KIAA1328: variants seen among roughly 807,000 people sequenced by gnomAD.
KIAA1328 encodes protein hinderin.
KIAA1328 carries 52 observed loss-of-function variants against 68.1 expected under a neutral mutation model. The observed-to-expected ratio is 0.76, with a 90% CI of 0.61 to 0.96. KIAA1328 has a LOEUF of 0.96. Among genes scored for constraint, KIAA1328 ranks in the 40% least tolerant of loss-of-function variants. KIAA1328 has a pLI of 0.00. For synonymous variants in KIAA1328, 232 were observed against 239.4 expected (o/e 0.97, Z 0.28); for missense variants, 641 against 677.6 (o/e 0.95, Z 0.60).
At chr18:37,033,768 G>A (rs1396366295) in intron 6 of KIAA1328, among the ~76,000 whole-genome samples, 11 of 152,058 alleles carry the variant, frequency 7.2e-5, no homozygotes, top group Non-Finnish European at 2.9e-5. Flanking sequence ...TCAACCTCCC[G>A]GAACTCTGCA....
intron 4 of KIAA1328, among the ~76,000 whole-genome samples, chr18:36,864,149 A>T (rs1474613486): frequency 6.6e-6 from 1 of 152,184 alleles, no homozygotes; most frequent in Non-Finnish European, 1.5e-5. Context: ...GATTTTTATT[A>T]TGATTGCATG....
chr18:37,042,537 AT>A (rs1027977440), intron 6 of KIAA1328, among the ~76,000 whole-genome samples: 3 of 151,922 alleles, frequency 2.0e-5, no homozygotes, highest in African/African-American at 7.3e-5. Flanking sequence ...TTGACAGTTT[AT>A]TTTTTTCAAA....
At chr18:37,178,746 C>T (rs1405959855) in intron 9 of KIAA1328, among the ~76,000 whole-genome samples, 1 of 152,096 alleles carries the variant, frequency 6.6e-6, no homozygotes, top group Non-Finnish European at 1.5e-5. Flanking sequence ...CAACACTTGT[C>T]TTGTCCGTTT....
At chr18:37,208,395 GAGA>G (rs1412485030) in intron 9 of KIAA1328, among the ~76,000 whole-genome samples, 2 of 152,210 alleles carry the variant, frequency 1.3e-5, no homozygotes, top group Non-Finnish European at 2.9e-5. Flanking sequence ...TTTGAATTGA[GAGA>G]AGGTCAAAAA....
At chr18:37,098,607 T>G (rs2057492414) in intron 7 of KIAA1328, among the ~76,000 whole-genome samples, 6 of 152,202 alleles carry the variant, frequency 3.9e-5, no homozygotes, top group Admixed American at 3.9e-4. Flanking sequence ...TTAGGTAGGA[T>G]TCCCTATTTT....
intron 6 of KIAA1328, among the ~76,000 whole-genome samples, chr18:36,977,920 AT>A (rs2052535260): frequency 6.6e-6 from 1 of 151,978 alleles, no homozygotes; most frequent in South Asian, 2.1e-4. Flanking sequence ...AGTAGCTGGA[AT>A]TACAGGTGTG....
chr18:37,083,673 G>T (rs1206017792), intron 7 of KIAA1328, among the ~76,000 whole-genome samples: 3 of 152,142 alleles, frequency 2.0e-5, no homozygotes, highest in Non-Finnish European at 4.4e-5. Context: ...TGGTTAGTGA[G>T]CTGTACCCCT....
intron 7 of KIAA1328, among the ~76,000 whole-genome samples, chr18:37,102,792 C>T (rs2057661330): frequency 6.6e-6 from 1 of 152,010 alleles, no homozygotes; most frequent in South Asian, 2.1e-4. Context: ...TCAAATATTC[C>T]CTCTTGGTAG....
intron 7 of KIAA1328, among the ~76,000 whole-genome samples, chr18:37,100,563 C>G (rs892630881): frequency 6.6e-6 from 1 of 152,208 alleles, no homozygotes; most frequent in Non-Finnish European, 1.5e-5. Flanking sequence ...TCAAGAAGAC[C>G]CTCTTGCCTC....
chr18:36,999,631 C>T (rs78254523), intron 6 of KIAA1328, among the ~76,000 whole-genome samples: 3,700 of 152,168 alleles, frequency 0.024, 61 homozygotes, highest in Non-Finnish European at 0.036. Flanking sequence ...AGGGCTCAAA[C>T]AAAACAAAAT....
intron 6 of KIAA1328, among the ~76,000 whole-genome samples, chr18:36,989,201 A>G (rs1421188781): frequency 6.6e-6 from 1 of 152,194 alleles, no homozygotes; most frequent in Non-Finnish European, 1.5e-5. Context: ...GTCTTGGGGC[A>G]ATCTATTCAC....
chr18:37,130,477 G>T (rs2058496033), intron 7 of KIAA1328, among the ~76,000 whole-genome samples: 1 of 152,078 alleles, frequency 6.6e-6, no homozygotes. Flanking sequence ...AATTAGCTGG[G>T]CATGGTGGTG....
chr18:36,932,258 T>C (rs2050338175), intron 5 of KIAA1328, among the ~76,000 whole-genome samples: 2 of 152,194 alleles, frequency 1.3e-5, no homozygotes, highest in African/African-American at 2.4e-5. Context: ...GGTCTCACTC[T>C]GTCACCCAGG....
At chr18:37,114,325 C>T (rs2058037875) in intron 7 of KIAA1328, among the ~76,000 whole-genome samples, 1 of 152,180 alleles carries the variant, frequency 6.6e-6, no homozygotes, top group African/African-American at 2.4e-5. Flanking sequence ...GACCACAGTG[C>T]AATCAAACTA....
intron 6 of KIAA1328, among the ~76,000 whole-genome samples, chr18:37,030,452 C>T (rs774621199): frequency 9.9e-5 from 15 of 152,030 alleles, no homozygotes; most frequent in Non-Finnish European, 1.6e-4. Context: ...AGTTATTGCC[C>T]AATCTCTGAC....
intron 7 of KIAA1328, among the ~76,000 whole-genome samples, chr18:37,107,165 T>G (rs1019758686): frequency 5.9e-5 from 9 of 152,108 alleles, no homozygotes; most frequent in African/African-American, 2.2e-4. Context: ...TGGCTTGAGC[T>G]CAGGCAGAGG....
chr18:37,156,426 CAAAAAAAAAAAAA>C (rs769062667), intron 7 of KIAA1328, among the ~76,000 whole-genome samples: 12 of 36,120 alleles, frequency 3.3e-4, no homozygotes, highest in East Asian at 2.9e-3. Flanking sequence ...AACTCCGCCT[CAAAAAAAAAAAAA>C]AAAAAAAAAA....
chr18:37,111,119 C>T (rs1173230236), intron 7 of KIAA1328, among the ~76,000 whole-genome samples: 1 of 152,000 alleles, frequency 6.6e-6, no homozygotes, highest in Non-Finnish European at 1.5e-5. Context: ...GAAAAAGAAC[C>T]AGTAGGAGAT....
intron 4 of KIAA1328, among the ~76,000 whole-genome samples, chr18:36,859,648 C>T (rs1170557836): frequency 6.6e-6 from 1 of 151,516 alleles, no homozygotes; most frequent in African/African-American, 2.4e-5. Context: ...CAGTGCCTCG[C>T]TGTGTTGCCC....
Sources: gnomAD v4.1 joint callset for allele counts (sites outside exome capture counted in the v4.1 genomes callset) on GRCh38, gnomAD v4.1.1 for gene constraint, MANE v1.5 for transcripts, NCBI Gene and HGNC (gene_info 2026-07-23, HGNC 2026-07-21) for gene names.